The following RUNX2 variants were observed in gnomAD, a reference collection of about 807,000 sequenced individuals.
RUNX2 encodes runt-related transcription factor 2.
Under a neutral mutation model 51.7 loss-of-function variants are expected in RUNX2, and 10 were observed. The observed-to-expected ratio is 0.19, with a 90% CI of 0.12 to 0.33. The LOEUF (loss-of-function observed/expected upper bound fraction) is 0.33. Among genes scored for constraint, RUNX2 ranks in the 10% least tolerant of loss-of-function variants. RUNX2 has a pLI of 1.00. For synonymous variants in RUNX2, 276 were observed against 273.6 expected, an observed-to-expected ratio of 1.01 and a Z score of -0.09; for missense variants, 562 against 691.3, an observed-to-expected ratio of 0.81 and a Z score of 2.10.
At chr6:45,545,559 G>T (rs1802374561) in intron 8 of RUNX2, among the ~76,000 whole-genome samples, 1 of 152,150 alleles carries the variant, frequency 6.6e-6, no homozygotes, top group Non-Finnish European at 1.5e-5. Context: ...AACAAGGTCT[G>T]AATAAAAATG....
intron 6 of RUNX2, among the ~76,000 whole-genome samples, chr6:45,495,338 T>C (rs1360961118): frequency 1.3e-5 from 2 of 152,258 alleles, no homozygotes; most frequent in Admixed American, 6.5e-5. Flanking sequence ...TCTGTCTTAG[T>C]AGCATTAACT....
chr6:45,484,929 C>G (rs1003192976), intron 5 of RUNX2, among the ~76,000 whole-genome samples: 1 of 152,194 alleles, frequency 6.6e-6, no homozygotes, highest in Non-Finnish European at 1.5e-5. Context: ...AATTCTGATG[C>G]AAGTCCTCTC....
At position 45,533,476 on chromosome 6, in the gene RUNX2, C is replaced by T. The variant is rs908302328; in HGVS notation, c.1022-11741C>T. On this transcript the variant is annotated intron_variant, in intron 7 of 8. Coordinates refer to ENST00000647337, the MANE Select transcript of RUNX2 (RefSeq NM_001024630.4). ...AAAATTCTACATATTCTAAAATATA[C>T]AAACAGCTCTTTGAAACTGATGCCA... 2.0e-5 allele frequency among the ~76,000 whole-genome samples: 3 copies of T among 152,290 alleles called. 1 individual carries two copies. The East Asian group carries it at 5.8e-4, about 29-fold the overall frequency.
chr6:45,341,522 T>C (rs773060596), intron 2 of RUNX2, among the ~76,000 whole-genome samples: 24 of 152,294 alleles, frequency 1.6e-4, no homozygotes, highest in Non-Finnish European at 2.8e-4. Context: ...AACTACATTT[T>C]AAAAGGAAAA....
chr6:45,481,954 A>G (rs962355852), intron 5 of RUNX2, among the ~76,000 whole-genome samples: 1 of 152,208 alleles, frequency 6.6e-6, no homozygotes. Flanking sequence ...TTTGAATTGG[A>G]GTAAGGAGGG....
chr6:45,391,143 G>A (rs1318200211), intron 2 of RUNX2, among the ~76,000 whole-genome samples: 2 of 152,116 alleles, frequency 1.3e-5, no homozygotes, highest in African/African-American at 4.8e-5. Context: ...ATATGGTTTG[G>A]ATGTTTATCC....
chr6:45,435,596 G>T (rs1798661032), intron 4 of RUNX2, among the ~76,000 whole-genome samples: 1 of 152,154 alleles, frequency 6.6e-6, no homozygotes, highest in South Asian at 2.1e-4. Context: ...GACCTCAGGC[G>T]ATCTGCCCTC....
At chr6:45,530,452 A>T (rs925564082) in intron 7 of RUNX2, among the ~76,000 whole-genome samples, 1 of 152,232 alleles carries the variant, frequency 6.6e-6, no homozygotes, top group Non-Finnish European at 1.5e-5. Flanking sequence ...GAACAAAGAG[A>T]TTGGTACAAG....
chr6:45,496,839 G>A (rs886867339), intron 6 of RUNX2, among the ~76,000 whole-genome samples: 1 of 152,218 alleles, frequency 6.6e-6, no homozygotes, highest in African/African-American at 2.4e-5. Context: ...ACAGTAGCTC[G>A]AGAGAGTAAA....
chr6:45,434,821 T>TTG (rs1277251620), intron 4 of RUNX2, among the ~76,000 whole-genome samples: 1 of 152,174 alleles, frequency 6.6e-6, no homozygotes, highest in African/African-American at 2.4e-5. Context: ...AGGCTGTATT[T>TTG]TATCACTTAT....
In RUNX2 at chr6:45,458,986, A is replaced by T. The variant is rs183853719; in HGVS notation, c.685+20935A>T. 7.7e-4 allele frequency among the ~76,000 whole-genome samples: 118 copies of T among 152,322 alleles called. 1 individual carries two copies. The highest frequency in any genetic ancestry group is 2.7e-3 in the African/African-American group (114 of 41,572). ...TGACAGTAACCTGAAGCTTTGAGCCACTTGCCTTCTTCCTTCCCCTCTCCT... is the reference window on the plus strand; with the variant it reads ...TGACAGTAACCTGAAGCTTTGAGCCTCTTGCCTTCTTCCTTCCCCTCTCCT... On this transcript the variant is annotated intron_variant, in intron 5 of 8. Transcript: ENST00000647337.
At chr6:45,489,036 T>C (rs1800373167) in intron 5 of RUNX2, among the ~76,000 whole-genome samples, 1 of 152,202 alleles carries the variant, frequency 6.6e-6, no homozygotes, top group Admixed American at 6.5e-5. Flanking sequence ...ATAGTTGAAA[T>C]GTGAAGAACT....
In RUNX2 at chr6:45,550,841, C is replaced by T. The variant is rs1802543918; in HGVS notation, c.*3536C>T. ...TTGTAGCATTTTGTGTAAATACAAG[C>T]TTTCATTTTTATTTTTTCCAATTGC... On this transcript the variant is annotated 3_prime_UTR_variant, in exon 9 of 9. Transcript: ENST00000647337. 1 of 152,558 alleles carries T rather than the reference C, an allele frequency of 6.6e-6. No homozygotes were observed. Among genetic ancestry groups the T allele is most frequent in the Admixed American group, 6.5e-5 (1 of 15,280 alleles). 9.5% of individuals were successfully genotyped at this position (152,558 alleles called of 1,614,324 possible). A position where few individuals can be genotyped will look rare whatever the true frequency, so the allele number is the denominator to read the frequency against.
At chr6:45,387,176 A>C (rs1797367820) in intron 2 of RUNX2, among the ~76,000 whole-genome samples, 1 of 152,222 alleles carries the variant, frequency 6.6e-6, no homozygotes, top group Non-Finnish European at 1.5e-5. Flanking sequence ...TTCTTGACTT[A>C]CTGAGTGGAT....
At chr6:45,329,950 T>TA (rs561625349) in intron 2 of RUNX2, among the ~76,000 whole-genome samples, 538 of 152,068 alleles carry the variant, frequency 3.5e-3, no homozygotes, top group Non-Finnish European at 5.6e-3. Flanking sequence ...ACTCTGCTTT[T>TA]AACTTACAAC....
intron 2 of RUNX2, among the ~76,000 whole-genome samples, chr6:45,358,691 T>C (rs1472557715): frequency 6.6e-6 from 1 of 152,196 alleles, no homozygotes; most frequent in Non-Finnish European, 1.5e-5. Context: ...CAGTCTCTTA[T>C]CTGAAATATG....
At chr6:45,369,776 A>G (rs555421409) in intron 2 of RUNX2, among the ~76,000 whole-genome samples, 2 of 152,306 alleles carry the variant, frequency 1.3e-5, no homozygotes, top group South Asian at 2.1e-4. Context: ...AATGCAAGAG[A>G]CAAGCACATA....
rs56307239 is a variant in RUNX2 at position 45,384,706 on chromosome 6, C to CTTTTT, written c.59-37863_59-37859dup. 3.3e-5 allele frequency among the ~76,000 whole-genome samples: 2 copies of CTTTTT among 61,202 alleles called. 1 individual carries two copies. The highest frequency in any genetic ancestry group is 4.8e-4 in the Admixed American group (2 of 4,172). 40.2% of individuals were successfully genotyped at this position (61,202 alleles called of 152,430 possible). On this transcript the variant is annotated intron_variant, in intron 2 of 8. Coordinates refer to ENST00000647337, the MANE Select transcript of RUNX2 (RefSeq NM_001024630.4). ...TCTCAAGTATTAGACATTAGGGTGT[C>CTTTTT]TTTTTTTTTTTTTTTTTTTTTTTTT...
intron 2 of RUNX2, among the ~76,000 whole-genome samples, chr6:45,410,761 G>A (rs967172021): frequency 1.3e-5 from 2 of 152,148 alleles, no homozygotes; most frequent in Admixed American, 6.5e-5. Flanking sequence ...TGTGCACCGA[G>A]CCTTGGGAAC....
Sources: gnomAD v4.1 joint callset for allele counts (sites outside exome capture counted in the v4.1 genomes callset) on GRCh38, gnomAD v4.1.1 for gene constraint, MANE v1.5 for transcripts, NCBI Gene and HGNC (gene_info 2026-07-23, HGNC 2026-07-21) for gene names.